The following FARP2 variants were observed in gnomAD, a reference collection of about 807,000 sequenced individuals.
The protein encoded by FARP2 is FERM, ARH/RhoGEF and pleckstrin domain protein 2, also known as FERM, ARHGEF and pleckstrin domain-containing protein 2.
FARP2 carries 111 observed loss-of-function variants against 130.5 expected under a neutral mutation model. The observed-to-expected ratio is 0.85, with a 90% CI of 0.73 to 1.00. The LOEUF (loss-of-function observed/expected upper bound fraction) is 1.00, where lower values mean the gene tolerates loss of function less well. FARP2 is among the 50% of genes least tolerant of loss of function. The pLI, the probability that FARP2 is intolerant of heterozygous loss-of-function variation, is 0.00. For synonymous variants in FARP2, 504 were observed against 516.9 expected, an observed-to-expected ratio of 0.98 and a Z score of 0.34; for missense variants, 1,385 against 1,346.3, an observed-to-expected ratio of 1.03 and a Z score of -0.45.
chr2:241,404,016 A>T, intron 3 of FARP2, 84 bp downstream of exon 3: 2 of 734,796 alleles, frequency 2.7e-6, no homozygotes, highest in Non-Finnish European at 4.9e-6. Flanking sequence ...TTGCCACATC[A>T]TCAGCATTAA....
chr2:241,421,951 C>G (rs1235772561), intron 8 of FARP2, among the ~76,000 whole-genome samples: 1 of 152,034 alleles, frequency 6.6e-6, no homozygotes, highest in Non-Finnish European at 1.5e-5. Context: ...CAAGACCAGC[C>G]TGGACAACAT....
chr2:241,459,589 C>A lies in FARP2; in HGVS notation c.1587+2667C>A, dbSNP rs1442034958. ...GGAAAGCCAAAGGTGGCAGAAGCCT[C>A]TTCCACGCTCTGCATGGGCACATAG... is the stretch of plus-strand genomic sequence containing the variant. On this transcript the variant is annotated intron_variant, in intron 14 of 26. Transcript: ENST00000264042. The surrounding 1 kb of genome is among the most constrained non-coding windows in gnomAD (Gnocchi z 5.3). Among the ~76,000 whole-genome samples, 1 of 152,234 alleles carries A rather than the reference C, an allele frequency of 6.6e-6. No homozygotes were observed. Among genetic ancestry groups the A allele is most frequent in the Non-Finnish European group, 1.5e-5 (1 of 68,042 alleles).
At chr2:241,455,874 G>A (rs2063821325) in intron 13 of FARP2, among the ~76,000 whole-genome samples, 8 of 151,244 alleles carry the variant, frequency 5.3e-5, no homozygotes, top group African/African-American at 1.9e-4. Flanking sequence ...CGAGTAGCTG[G>A]GACTACAAGC....
chr2:241,402,262 TC>T (rs530234856), intron 2 of FARP2, among the ~76,000 whole-genome samples: 63 of 152,338 alleles, frequency 4.1e-4, no homozygotes, highest in African/African-American at 1.3e-3. Flanking sequence ...CTTACATTCT[TC>T]CCAGCACTCT....
chr2:241,481,301 A>G (rs1412092966), intron 19 of FARP2, among the ~76,000 whole-genome samples: 3 of 152,210 alleles, frequency 2.0e-5, no homozygotes, highest in African/African-American at 7.2e-5. Flanking sequence ...CTATATGTCC[A>G]TTGGGCCAGT....
intron 2 of FARP2, among the ~76,000 whole-genome samples, chr2:241,385,257 C>A (rs2061757229): frequency 6.6e-6 from 1 of 152,080 alleles, no homozygotes; most frequent in South Asian, 2.1e-4. Context: ...TCTTTTATTG[C>A]TGTTAATTTT....
At chr2:241,436,598 TAGTC>T in intron 12 of FARP2, 60 bp downstream of exon 12, 3 of 1,306,958 alleles carry the variant, frequency 2.3e-6, no homozygotes, top group Non-Finnish European at 2.2e-6. Context: ...TTTTGGAAAA[TAGTC>T]TGTCAGTATT....
At chr2:241,392,058 CCTT>C (rs1222650504) in intron 2 of FARP2, among the ~76,000 whole-genome samples, 1 of 152,168 alleles carries the variant, frequency 6.6e-6, no homozygotes, top group Non-Finnish European at 1.5e-5. Context: ...TTGAAAGAGG[CCTT>C]CTCTCGCAAG....
At chr2:241,490,169 T>A (rs891654284) in intron 22 of FARP2, 125 bp downstream of exon 22, 3 of 694,704 alleles carry the variant, frequency 4.3e-6, no homozygotes, top group Non-Finnish European at 7.7e-6. Flanking sequence ...TGTGCCCCCT[T>A]TGACTCTGAG....
intron 18 of FARP2, among the ~76,000 whole-genome samples, chr2:241,468,584 G>A (rs368473806): frequency 5.2e-5 from 8 of 152,382 alleles, no homozygotes; most frequent in African/African-American, 1.9e-4. Context: ...GGCTACACCA[G>A]GTCTCTGTCT....
At chr2:241,477,564 T>G (rs1439237310) in intron 19 of FARP2, among the ~76,000 whole-genome samples, 1 of 152,234 alleles carries the variant, frequency 6.6e-6, no homozygotes, top group East Asian at 1.9e-4. Flanking sequence ...ATGTACAAGT[T>G]TTGTGTGGAC....
intron 19 of FARP2, chr2:241,478,739 C>T: frequency 2.2e-6 from 1 of 449,372 alleles, no homozygotes; most frequent in Non-Finnish European, 4.5e-6. Flanking sequence ...CAAAACATCA[C>T]AGGTGCCCAT....
chr2:241,491,494 G>C, intron 23 of FARP2, 22 bp from the exon 24 acceptor site: 1 of 1,612,430 alleles, frequency 6.2e-7, no homozygotes, highest in Non-Finnish European at 8.5e-7. Flanking sequence ...TTCCCCCTGA[G>C]ACGCTGCTGA....
rs1044157801 is a variant in FARP2, at chr2:241,459,546, G to A, written c.1587+2624G>A. ...TTTTTAATAGAGATTTGTGAGGATC[G>A]GCCACAGTCGAAAGGTAGGAAAGCC... On this transcript the variant is annotated intron_variant, in intron 14 of 26. Coordinates refer to ENST00000264042, the MANE Select transcript of FARP2 (RefSeq NM_014808.4). This position sits in a 1 kb window ranked among gnomAD's most constrained non-coding sequence, Gnocchi z 5.3. Among the ~76,000 whole-genome samples, 5 of 152,138 alleles carry A rather than the reference G, an allele frequency of 3.3e-5. No individual in the cohort carries two copies. Among genetic ancestry groups the A allele is most frequent in the Non-Finnish European group, 5.9e-5 (4 of 68,020 alleles).
chr2:241,392,208 C>T (rs1023584762), intron 2 of FARP2, among the ~76,000 whole-genome samples: 1 of 152,208 alleles, frequency 6.6e-6, no homozygotes, highest in African/African-American at 2.4e-5. Context: ...GCCGCTGGCT[C>T]TCCTGCACAC....
chr2:241,432,844 G>C (rs2063126537), intron 9 of FARP2, among the ~76,000 whole-genome samples: 1 of 152,220 alleles, frequency 6.6e-6, no homozygotes, highest in African/African-American at 2.4e-5. Context: ...CTTAAGAGAT[G>C]GCCATGCCTG....
At position 241,456,799 on chromosome 2, in the gene FARP2, G is replaced by T; in HGVS notation, c.1464G>T (p.Leu488=). 1.2e-6 allele frequency: 2 copies of T among 1,614,090 alleles called. No homozygotes were observed. The highest frequency in any genetic ancestry group is 2.7e-5 in the African/African-American group (2 of 75,030). The change falls in exon 14 of 27, where the codon CTG becomes CTT. Residue 488 remains leucine (L), a synonymous_variant. Coordinates refer to ENST00000264042, the MANE Select transcript of FARP2 (RefSeq NM_014808.4). ...CTCCCTCCAGCCGGAAGAGCCCCCTGAGTCTGAGCCCTGCATTTCAGGTGC... is the reference window on the plus strand; with the variant it reads ...CTCCCTCCAGCCGGAAGAGCCCCCTTAGTCTGAGCCCTGCATTTCAGGTGC... ...QPSPSSRKSP[L]SLSPAFQVPL...
At chr2:241,487,449 CCTAAG>C (rs1368722604) in intron 21 of FARP2, among the ~76,000 whole-genome samples, 3 of 152,094 alleles carry the variant, frequency 2.0e-5, no homozygotes, top group Non-Finnish European at 4.4e-5. Context: ...GGGTGAATCA[CCTAAG>C]GTCAGGAGTT....
chr2:241,453,778 T>TG (rs2063755662), intron 13 of FARP2, among the ~76,000 whole-genome samples: 1 of 111,606 alleles, frequency 9.0e-6, no homozygotes, highest in African/African-American at 3.5e-5. Context: ...GGTTTTTTTT[T>TG]TTTTTTTTTT....
Sources: allele counts gnomAD v4.1 joint callset (sites outside exome capture counted in the v4.1 genomes callset), GRCh38; gene constraint gnomAD v4.1.1; non-coding constraint Gnocchi (gnomAD v3.1); transcripts MANE v1.5; gene names NCBI Gene and HGNC (gene_info 2026-07-23, HGNC 2026-07-21).